Variants in SPAG7 observed in about 807,000 individuals in gnomAD.
The protein encoded by SPAG7 is sperm associated antigen 7, also known as sperm-associated antigen 7.
Under a neutral mutation model 30.6 loss-of-function variants are expected in SPAG7, and 20 were observed. The observed-to-expected ratio is 0.65, with a 90% CI of 0.46 to 0.95. The LOEUF (loss-of-function observed/expected upper bound fraction) is 0.95, where lower values mean the gene tolerates loss of function less well. SPAG7 is among the 40% of genes least tolerant of loss of function. The pLI, the probability that SPAG7 is intolerant of heterozygous loss-of-function variation, is 0.00. For synonymous variants in SPAG7, 127 were observed against 104.2 expected (o/e 1.22, Z -1.33); for missense variants, 276 against 291.1 (o/e 0.95, Z 0.38).
In SPAG7 at chr17:4,960,785, C is replaced by T; in HGVS notation, c.153+1G>A. On this transcript the variant is annotated splice_donor_variant, in intron 2 of 6. Coordinates refer to ENST00000206020, the MANE Select transcript of SPAG7 (RefSeq NM_004890.3). LOFTEE classifies it high-confidence loss of function. Reference sequence around the variant, plus strand: ...CCTTTGATCACTCCAGTTGTTCTCACCCTTTTACGAAACTCCACTTTCTGT... The same window carrying T: ...CCTTTGATCACTCCAGTTGTTCTCATCCTTTTACGAAACTCCACTTTCTGT... The T allele has an allele frequency of 6.2e-7, 1 of 1,613,952 alleles. No individual in the cohort carries two copies. The highest frequency in any genetic ancestry group is 8.5e-7 in the Non-Finnish European group (1 of 1,179,826).
chr17:4,967,451 C>A (rs1368637890), intron 1 of SPAG7, among the ~76,000 whole-genome samples: 1 of 152,218 alleles, frequency 6.6e-6, no homozygotes, highest in African/African-American at 2.4e-5. Flanking sequence ...CAGCAGCGGA[C>A]AGGCGGGACG....
Position 4,960,503 on chromosome 17 carries a change from G to A in SPAG7, c.198C>T (p.Ile66=). ...TGTTCATTGGCTGAAACTTTTTCTT[G>A]ATCTGCCCACTGTCTTGAATGAAAT... is the stretch of plus-strand genomic sequence containing the variant. ...VSDFIQDSGQ[I]KKKFQPMNKI... The change falls in exon 3 of 7, where the codon ATC becomes ATT. Residue 66 remains isoleucine (I), a synonymous_variant. Coordinates refer to ENST00000206020, the MANE Select transcript of SPAG7 (RefSeq NM_004890.3). 1 of 1,602,582 alleles carries A rather than the reference G, an allele frequency of 6.2e-7. No homozygotes were observed.
Position 4,959,545 on chromosome 17 carries a change from G to A in SPAG7, c.673C>T (p.Pro225Ser), listed in dbSNP as rs768735296. 57 of 1,613,012 alleles carry A rather than the reference G, an allele frequency of 3.5e-5. No individual in the cohort carries two copies. In the Admixed American group the frequency reaches 8.7e-4, roughly 25 times the overall value. The change falls in exon 7 of 7, where the codon CCA (proline) becomes TCA (serine). Residue 225 changes from proline (P) to serine (S), a missense_variant. By Grantham distance (74) the Pro-to-Ser change is moderately conservative. Transcript: ENST00000206020. ...GCTGGGCGGGGCGCCTAGGAGGTTG[G>A]CGGCAACTCTTCCCCACTCTGCCGC... ...RLRQSGEELP[P>S]TS is the part of the protein sequence containing the mutation.
chr17:4,964,850 C>T (rs1006529875), intron 1 of SPAG7, among the ~76,000 whole-genome samples: 1 of 152,180 alleles, frequency 6.6e-6, no homozygotes, highest in African/African-American at 2.4e-5. Flanking sequence ...ATTCTCATGC[C>T]TCAGCCTCCC....
intron 1 of SPAG7, among the ~76,000 whole-genome samples, chr17:4,961,452 G>A (rs1971861680): frequency 8.2e-6 from 1 of 122,474 alleles, no homozygotes; most frequent in East Asian, 2.5e-4. Flanking sequence ...AGTGAACTCC[G>A]TCTCAAAAAA....
At chr17:4,963,544 C>T (rs917806925) in intron 1 of SPAG7, among the ~76,000 whole-genome samples, 2 of 150,786 alleles carry the variant, frequency 1.3e-5, no homozygotes, top group African/African-American at 4.9e-5. Flanking sequence ...CTGCAACCTC[C>T]GCCTCCTGGG....
chr17:4,967,637 A>C, intron 1 of SPAG7, 83 bp downstream of exon 1: 1 of 1,065,164 alleles, frequency 9.4e-7, no homozygotes, highest in Non-Finnish European at 1.5e-6. Flanking sequence ...TTCAAGGTTG[A>C]GGAGGCGGCA....
intron 1 of SPAG7, chr17:4,967,311 T>C (rs939346218): frequency 2.4e-6 from 2 of 818,024 alleles, no homozygotes; most frequent in Non-Finnish European, 1.5e-6. Flanking sequence ...GAGGCAGAGC[T>C]TTAAGTTGAG....
At chr17:4,965,852 C>CTATTTATT (rs538789750) in intron 1 of SPAG7, 1 of 120,348 alleles carries the variant, frequency 8.3e-6, no homozygotes, top group Non-Finnish European at 1.9e-5. Context: ...ATTTATTTAT[C>CTATTTATT]TATTTATTTA....
intron 1 of SPAG7, chr17:4,966,827 T>C (rs1971961903): frequency 3.2e-5 from 32 of 985,498 alleles, no homozygotes; most frequent in Non-Finnish European, 3.7e-5. Flanking sequence ...CCAGCGGCCC[T>C]TGAATACTTG....
intron 1 of SPAG7, chr17:4,966,487 C>T (rs1026414247): frequency 1.4e-6 from 1 of 709,176 alleles, no homozygotes; most frequent in African/African-American, 1.9e-5. Flanking sequence ...AGACAGTCAT[C>T]GGAGCATTAG....
At chr17:4,960,678 G>C (rs994618785) in intron 2 of SPAG7, 108 bp downstream of exon 2, 5 of 1,380,804 alleles carry the variant, frequency 3.6e-6, no homozygotes, top group Non-Finnish European at 5.2e-6. Context: ...GCTTCCATGC[G>C]TCACCTCTCT....
intron 1 of SPAG7, chr17:4,966,279 C>G (rs1971950119): frequency 6.6e-6 from 1 of 152,302 alleles, no homozygotes; most frequent in Non-Finnish European, 1.5e-5. Context: ...GGCCGGGCCC[C>G]ACTGACTGTT....
intron 5 of SPAG7, 36 bp downstream of exon 5, chr17:4,959,986 G>A: frequency 6.2e-7 from 1 of 1,613,568 alleles, no homozygotes; most frequent in Non-Finnish European, 8.5e-7. Context: ...CAGGTGGTGG[G>A]CTTCTGGACC....
At chr17:4,964,912 T>C (rs981662457) in intron 1 of SPAG7, among the ~76,000 whole-genome samples, 1 of 151,166 alleles carries the variant, frequency 6.6e-6, no homozygotes, top group Non-Finnish European at 1.5e-5. Flanking sequence ...ATTTTTTTTT[T>C]CTTTTTCTTT....
At chr17:4,966,259 T>TGA (rs1485724771) in intron 1 of SPAG7, 1 of 152,288 alleles carries the variant, frequency 6.6e-6, no homozygotes, top group Non-Finnish European at 1.5e-5. Flanking sequence ...ATTAAAGGTG[T>TGA]GAGCTACAAG....
intron 1 of SPAG7, among the ~76,000 whole-genome samples, chr17:4,964,411 G>C (rs1367104469): frequency 4.1e-5 from 6 of 146,638 alleles, no homozygotes; most frequent in African/African-American, 1.5e-4. Flanking sequence ...GCCCAGGCTG[G>C]AGTGCAGTGG....
intron 1 of SPAG7, among the ~76,000 whole-genome samples, chr17:4,964,253 C>T (rs1029339738): frequency 6.6e-6 from 1 of 152,082 alleles, no homozygotes; most frequent in African/African-American, 2.4e-5. Context: ...GTCTTCCCCA[C>T]GATGTGATTT....
At chr17:4,961,499 T>C (rs1297853429) in intron 1 of SPAG7, among the ~76,000 whole-genome samples, 1 of 140,520 alleles carries the variant, frequency 7.1e-6, no homozygotes, top group African/African-American at 2.7e-5. Flanking sequence ...CTCACACCTG[T>C]AATCCCAGCA....
Sources: allele counts gnomAD v4.1 joint callset (sites outside exome capture counted in the v4.1 genomes callset), GRCh38; gene constraint gnomAD v4.1.1; transcripts MANE v1.5; gene names NCBI Gene and HGNC (gene_info 2026-07-23, HGNC 2026-07-21).